BTN2A2: variants seen among roughly 807,000 people sequenced by gnomAD.
The protein encoded by BTN2A2 is butyrophilin subfamily 2 member A2.
Under a neutral mutation model 34.7 loss-of-function variants are expected in BTN2A2, and 29 were observed. That is an observed-to-expected ratio of 0.84 (90% CI 0.62 to 1.14). The LOEUF (loss-of-function observed/expected upper bound fraction) is 1.14, where lower values mean the gene tolerates loss of function less well. BTN2A2 is among the 50% of genes most tolerant of loss of function. The probability of loss-of-function intolerance (pLI) is 0.00; values close to 1 mark genes in which losing one functional copy is unlikely to be tolerated. For synonymous variants in BTN2A2, 240 were observed against 253.1 expected, an observed-to-expected ratio of 0.95 and a Z score of 0.49; for missense variants, 612 against 651.5, an observed-to-expected ratio of 0.94 and a Z score of 0.66.
At position 26,393,036 on chromosome 6, in the gene BTN2A2, C is replaced by G. The variant is rs574356294; in HGVS notation, c.*69C>G. The G allele has an allele frequency of 3.4e-5, 55 of 1,612,914 alleles. 1 individual carries two copies. Among genetic ancestry groups the G allele is most frequent in the East Asian group, 2.2e-4 (10 of 44,868 alleles). ...ATCTCAGCAGCCACCGCACAACCCC[C>G]CTAATGAAAGACACGCCCTCCTCCC... is the stretch of plus-strand genomic sequence containing the variant. On this transcript the variant is annotated 3_prime_UTR_variant, in exon 8 of 8. Coordinates refer to ENST00000356709, the MANE Select transcript of BTN2A2 (RefSeq NM_006995.5).
intron 3 of BTN2A2, 162 bp downstream of exon 3, chr6:26,385,524 TTGCCC>T: frequency 1.5e-6 from 1 of 666,174 alleles, no homozygotes; most frequent in Non-Finnish European, 2.5e-6. Context: ...ATGAGTGGGT[TTGCCC>T]TGCTAAGCTA....
rs1208314139 is a variant in BTN2A2, at chr6:26,385,172, T to C, written c.252T>C (p.Gly84=). ...QFSPAVFVYK[G]GRERTEEQME... ...CCCCCGCAGTGTTTGTGTATAAGGG[T>C]GGGAGAGAGAGAACAGAGGAGCAGA... Residue 84 remains glycine (G), a synonymous_variant, in exon 3 of 8, where the codon GGT becomes GGC. Coordinates refer to ENST00000356709, the MANE Select transcript of BTN2A2 (RefSeq NM_006995.5). The C allele has an allele frequency of 7.4e-6, 12 of 1,612,958 alleles. No homozygotes were observed. The highest frequency in any genetic ancestry group is 1.0e-5 in the Non-Finnish European group (12 of 1,179,794).
rs771410985 is a variant in BTN2A2 at position 26,392,564 on chromosome 6, A to G, written c.1169A>G (p.Asn390Ser). 2 of 1,614,116 alleles carry G rather than the reference A, an allele frequency of 1.2e-6. No individual in the cohort carries two copies. Among genetic ancestry groups the G allele is most frequent in the Non-Finnish European group, 1.7e-6 (2 of 1,179,992 alleles). ...CATTACTGGGAGGTGGAGGTGGAAA[A>G]CGTGATGGTGTGGACTGTGGGGGTC... ...GKHYWEVEVE[N>S]VMVWTVGVCR... The change falls in exon 8 of 8, where the codon AAC (asparagine) becomes AGC (serine). Residue 390 changes from asparagine to serine, a missense_variant. By Grantham distance (46) the Asn-to-Ser change is conservative. Coordinates refer to ENST00000356709, the MANE Select transcript of BTN2A2 (RefSeq NM_006995.5).
intron 3 of BTN2A2, 161 bp downstream of exon 3, chr6:26,385,523 T>C: frequency 1.5e-6 from 1 of 665,362 alleles, no homozygotes; most frequent in Non-Finnish European, 2.5e-6. Context: ...CATGAGTGGG[T>C]TTGCCCTGCT....
rs777652771 is a variant in BTN2A2 at position 26,392,552 on chromosome 6, T to G, written c.1157T>G (p.Val386Gly). ...SFASGKHYWEVEVENVMVWTV... is the reference protein window; with the variant it reads ...SFASGKHYWEGEVENVMVWTV... ...GCCTCAGGGAAACATTACTGGGAGG[T>G]GGAGGTGGAAAACGTGATGGTGTGG... Residue 386 changes from valine to glycine, a missense_variant, in exon 8 of 8, where the codon GTG (valine) becomes GGG (glycine). Val to Gly is a moderately radical substitution (Grantham distance 109). Transcript: ENST00000356709. 1.1e-5 allele frequency: 17 copies of G among 1,613,340 alleles called. No homozygotes were observed. The South Asian group carries it at 1.8e-4, about 17-fold the overall frequency.
intron 5 of BTN2A2, 44 bp from the exon 6 acceptor site, chr6:26,390,643 T>C: frequency 6.2e-7 from 1 of 1,613,736 alleles, no homozygotes; most frequent in Non-Finnish European, 8.5e-7. Context: ...TTCTCTTAGT[T>C]CTTCTGTTGA....
In BTN2A2 at chr6:26,392,432, G is replaced by C. The variant is rs200473019; in HGVS notation, c.1037G>C (p.Arg346Pro). Residue 346 changes from arginine (R) to proline (P), a missense_variant, in exon 8 of 8, where the codon CGG becomes CCG. Arg to Pro is a moderately radical substitution (Grantham distance 103). Transcript: ENST00000356709. ...AHPELFLSEDRRSVRRGPYRQ... is the reference protein window; with the variant it reads ...AHPELFLSEDPRSVRRGPYRQ... ...CCCGAGCTCTTCCTGTCAGAGGACC[G>C]GAGAAGTGTGAGGCGGGGCCCCTAC... The C allele has an allele frequency of 5.0e-6, 8 of 1,614,246 alleles. No individual in the cohort carries two copies. Among genetic ancestry groups the C allele is most frequent in the Non-Finnish European group, 6.8e-6 (8 of 1,180,046 alleles).
chr6:26,387,619 G>C (rs1427857013), intron 3 of BTN2A2, among the ~76,000 whole-genome samples: 5 of 151,464 alleles, frequency 3.3e-5, no homozygotes, highest in African/African-American at 1.2e-4. Context: ...CAACCTGATA[G>C]GTTTCTGTCA....
intron 5 of BTN2A2, 161 bp downstream of exon 5, chr6:26,390,372 T>G: frequency 1.3e-6 from 1 of 762,340 alleles, no homozygotes; most frequent in Non-Finnish European, 2.1e-6. Context: ...CCACAAGGGC[T>G]TGGAACTCTC....
chr6:26,392,253 A>G (rs1761621533), intron 7 of BTN2A2, 122 bp from the exon 8 acceptor site: 2 of 1,563,402 alleles, frequency 1.3e-6, no homozygotes, highest in East Asian at 2.4e-5. Flanking sequence ...GGGGACCTTC[A>G]TGGAAACGGC....
chr6:26,385,964 G>A (rs564566901), intron 3 of BTN2A2, among the ~76,000 whole-genome samples: 4 of 152,354 alleles, frequency 2.6e-5, no homozygotes, highest in South Asian at 2.1e-4. Flanking sequence ...AACTGTGCAC[G>A]TCTGAGAGTG....
Position 26,390,130 on chromosome 6 carries a change from T to G in BTN2A2, c.850T>G (p.Cys284Gly), listed in dbSNP as rs1305080557. 11 of 1,614,118 alleles carry G rather than the reference T, an allele frequency of 6.8e-6. No individual in the cohort carries two copies. Among genetic ancestry groups the G allele is most frequent in the Non-Finnish European group, 9.3e-6 (11 of 1,180,028 alleles). ...VFIIFMAVSI[C>G]CIKKLQREKK... is the part of the protein sequence containing the mutation. ...CATCATCTTCATGGCTGTCAGCATC[T>G]GTTGCATCAAGAAACTTCAAAGGGA... Residue 284 changes from cysteine (C) to glycine (G), a missense_variant, in exon 5 of 8, where the codon TGT (cysteine) becomes GGT (glycine). By Grantham distance (159) the Cys-to-Gly change is radical (BLOSUM62 -3). Transcript: ENST00000356709.
chr6:26,388,668 A>T (rs1761366295), intron 4 of BTN2A2, among the ~76,000 whole-genome samples: 1 of 152,192 alleles, frequency 6.6e-6, no homozygotes, highest in African/African-American at 2.4e-5. Flanking sequence ...GGACTTCCCA[A>T]AGGACAGAGC....
rs1459548109 is a variant in BTN2A2, at chr6:26,390,213, T to C, written c.931+2T>C. The C allele has an allele frequency of 6.2e-7, 1 of 1,612,700 alleles. No homozygotes were observed. Among genetic ancestry groups the C allele is most frequent in the East Asian group, 2.2e-5 (1 of 44,882 alleles). On this transcript the variant is annotated splice_donor_variant, in intron 5 of 7. Transcript: ENST00000356709. LOFTEE classifies it high-confidence loss of function. Reference sequence around the variant, plus strand: ...AACAAGAGGAAAAAGAAATTGCACGTAAGGAATTTGTAAAGAAAGTGTGGA... The same window carrying C: ...AACAAGAGGAAAAAGAAATTGCACGCAAGGAATTTGTAAAGAAAGTGTGGA...
chr6:26,391,021 G>C, intron 7 of BTN2A2, 192 bp downstream of exon 7: 1 of 759,464 alleles, frequency 1.3e-6, no homozygotes, highest in South Asian at 1.7e-5. Context: ...AGCTCTTAAT[G>C]AACCCTGCAG....
chr6:26,388,725 T>C (rs1176474236), intron 4 of BTN2A2, among the ~76,000 whole-genome samples: 3 of 152,188 alleles, frequency 2.0e-5, no homozygotes, highest in Admixed American at 6.5e-5. Context: ...ATTCAACAAA[T>C]GTTCAACAAG....
In BTN2A2 at chr6:26,390,872, A is replaced by G. The variant is rs201272391; in HGVS notation, c.979+43A>G. 10 of 1,613,082 alleles carry G rather than the reference A, an allele frequency of 6.2e-6. 2 individuals carry two copies. The South Asian group carries it at 8.8e-5, about 14-fold the overall frequency. On this transcript the variant is annotated intron_variant, in intron 7 of 7. Transcript: ENST00000356709. ...TCTCTCAGATCTCAGCTTTCTCCCC[A>G]CTAGCCAGCTAACAGGACTCCTTAG...
intron 7 of BTN2A2, chr6:26,391,960 G>A (rs576304963): frequency 5.9e-6 from 3 of 510,434 alleles, no homozygotes; most frequent in Non-Finnish European, 1.1e-5. Flanking sequence ...TCCATTGAGA[G>A]GTATGTGGGG....
At position 26,385,296 on chromosome 6, in the gene BTN2A2, A is replaced by T; in HGVS notation, c.376A>T (p.Ile126Phe). 1 of 1,614,142 alleles carries T rather than the reference A, an allele frequency of 6.2e-7. No individual in the cohort carries two copies. The highest frequency in any genetic ancestry group is 1.3e-5 in the African/African-American group (1 of 75,022). The change falls in exon 3 of 8, where the codon ATC becomes TTC. Residue 126 changes from isoleucine (I) to phenylalanine (F), a missense_variant. By Grantham distance (21) the Ile-to-Phe change is conservative. Transcript: ENST00000356709. Reference protein sequence around the residue: ...IHNVTAQENGIYRCYFQEGRS... With the variant: ...IHNVTAQENGFYRCYFQEGRS... ...TAACGTCACAGCCCAGGAGAATGGG[A>T]TCTACCGCTGTTACTTCCAAGAAGG...
Sources: gnomAD v4.1 joint callset for allele counts (sites outside exome capture counted in the v4.1 genomes callset) on GRCh38, gnomAD v4.1.1 for gene constraint, MANE v1.5 for transcripts, NCBI Gene and HGNC (gene_info 2026-07-23, HGNC 2026-07-21) for gene names.